Variants in CDH13 observed in about 807,000 individuals in gnomAD.
CDH13 encodes cadherin-13.
A neutral mutation model predicts 63.8 loss-of-function variants in CDH13; 24 were observed. The observed-to-expected ratio is 0.38, with a 90% CI of 0.27 to 0.53. The LOEUF is 0.53. CDH13 is among the 20% of genes least tolerant of loss of function. The pLI is 0.85. For missense variants in CDH13, 1,049 were observed against 903.1 expected (o/e 1.16, Z -2.07); for synonymous variants, 503 against 355.3 (o/e 1.42, Z -4.67).
intron 7 of CDH13, among the ~76,000 whole-genome samples, chr16:83,569,305 A>G (rs62040172): frequency 0.084 from 12,802 of 151,972 alleles, 782 homozygotes; most frequent in South Asian, 0.15. Flanking sequence ...GCACTCCACC[A>G]TGTTGGCATG....
chr16:83,649,142 G>C (rs1912122950), intron 8 of CDH13, among the ~76,000 whole-genome samples: 1 of 152,248 alleles, frequency 6.6e-6, no homozygotes, highest in Admixed American at 6.5e-5. Context: ...AGGTGTGGCA[G>C]TGAGGTTAAA....
chr16:83,196,638 G>A (rs935794817), intron 4 of CDH13, among the ~76,000 whole-genome samples: 3 of 152,244 alleles, frequency 2.0e-5, no homozygotes, highest in African/African-American at 7.2e-5. Context: ...GACATAAACA[G>A]ACATTTCAGC....
chr16:83,525,940 A>G (rs1007574370), intron 7 of CDH13, among the ~76,000 whole-genome samples: 1 of 152,194 alleles, frequency 6.6e-6, no homozygotes, highest in Non-Finnish European at 1.5e-5. Context: ...GAAAAAGTGA[A>G]GAAATGGAGT....
At chr16:83,192,706 G>A (rs1056090218) in intron 4 of CDH13, among the ~76,000 whole-genome samples, 11 of 152,064 alleles carry the variant, frequency 7.2e-5, no homozygotes, top group Admixed American at 2.0e-4. Flanking sequence ...TCACCAAGCC[G>A]TTCCCATGGC....
chr16:83,607,294 C>A (rs929860191), intron 8 of CDH13, among the ~76,000 whole-genome samples: 1 of 152,090 alleles, frequency 6.6e-6, no homozygotes, highest in East Asian at 1.9e-4. Context: ...GTGGCACATG[C>A]CTGTAATCCT....
chr16:83,698,960 G>T (rs1306510458), intron 10 of CDH13, among the ~76,000 whole-genome samples: 1 of 152,210 alleles, frequency 6.6e-6, no homozygotes, highest in African/African-American at 2.4e-5. Context: ...GCCATAGTTT[G>T]CCAACCCCCA....
intron 5 of CDH13, among the ~76,000 whole-genome samples, chr16:83,326,161 T>G (rs1429232705): frequency 6.6e-6 from 1 of 152,184 alleles, no homozygotes; most frequent in Non-Finnish European, 1.5e-5. Context: ...TTATTCATCT[T>G]TCCAGAACAT....
intron 5 of CDH13, among the ~76,000 whole-genome samples, chr16:83,267,610 G>A (rs1321170189): frequency 1.3e-5 from 2 of 152,060 alleles, no homozygotes; most frequent in Non-Finnish European, 2.9e-5. Context: ...GTTACCGCGG[G>A]AGTGGGCTCC....
At chr16:83,420,917 A>T (rs1313470728) in intron 6 of CDH13, among the ~76,000 whole-genome samples, 1 of 152,212 alleles carries the variant, frequency 6.6e-6, no homozygotes, top group South Asian at 2.1e-4. Flanking sequence ...CTAGCAGGGG[A>T]AAAAGAAGTA....
At chr16:83,078,331 C>T (rs1306537803) in intron 3 of CDH13, among the ~76,000 whole-genome samples, 1 of 152,168 alleles carries the variant, frequency 6.6e-6, no homozygotes, top group Non-Finnish European at 1.5e-5. Context: ...AATTTTTCCA[C>T]ATATTGGGGA....
At chr16:82,839,260 T>G (rs765778615) in intron 1 of CDH13, among the ~76,000 whole-genome samples, 69 of 152,260 alleles carry the variant, frequency 4.5e-4, no homozygotes, top group Non-Finnish European at 7.2e-4. Flanking sequence ...GTCTGGAAAT[T>G]GTTTCCTCCC....
At chr16:83,726,593 T>A (rs1323438172) in intron 10 of CDH13, among the ~76,000 whole-genome samples, 1 of 152,112 alleles carries the variant, frequency 6.6e-6, no homozygotes, top group East Asian at 1.9e-4. Flanking sequence ...CCCGGCCCTT[T>A]GGGAGGCCGA....
At chr16:83,282,187 A>C (rs1043231775) in intron 5 of CDH13, among the ~76,000 whole-genome samples, 1 of 152,190 alleles carries the variant, frequency 6.6e-6, no homozygotes, top group Non-Finnish European at 1.5e-5. Context: ...GACATGGCTC[A>C]TGGTACCCCA....
intron 4 of CDH13, among the ~76,000 whole-genome samples, chr16:83,166,414 C>T (rs918831632): frequency 2.0e-5 from 3 of 152,084 alleles, no homozygotes; most frequent in African/African-American, 7.2e-5. Context: ...GGGCAAAACT[C>T]AGCACATCTC....
intron 10 of CDH13, 54 bp downstream of exon 10, chr16:83,678,515 C>T: frequency 1.2e-6 from 2 of 1,602,816 alleles, no homozygotes; most frequent in South Asian, 1.1e-5. Flanking sequence ...ATGGCTTTTC[C>T]TTTCCAGTCG....
At position 82,698,359 on chromosome 16, in the gene CDH13, T is replaced by C. The variant is rs574120246; in HGVS notation, c.45+71222T>C. 4.6e-5 allele frequency among the ~76,000 whole-genome samples: 7 copies of C among 152,276 alleles called. 1 individual carries two copies. The South Asian group carries it at 1.5e-3, about 32-fold the overall frequency. On this transcript the variant is annotated intron_variant, in intron 1 of 13. Transcript: ENST00000567109. ...AACTCTATCTCCTGGGTACTCTCTG[T>C]AGATGGTGGGAAAAAGGAAGAGAAT...
chr16:83,434,516 C>G (rs1157309724), intron 6 of CDH13, among the ~76,000 whole-genome samples: 2 of 152,020 alleles, frequency 1.3e-5, no homozygotes, highest in African/African-American at 2.4e-5. Flanking sequence ...GCCAATGATT[C>G]AAGTCCACAT....
intron 2 of CDH13, among the ~76,000 whole-genome samples, chr16:82,925,732 C>G (rs2042283983): frequency 6.6e-6 from 1 of 152,222 alleles, no homozygotes; most frequent in African/African-American, 2.4e-5. Flanking sequence ...TTTAAAACCT[C>G]TACCTAAGAG....
At chr16:83,310,400 G>T (rs2089973800) in intron 5 of CDH13, among the ~76,000 whole-genome samples, 1 of 152,276 alleles carries the variant, frequency 6.6e-6, no homozygotes, top group South Asian at 2.1e-4. Flanking sequence ...CTGTGTGTGG[G>T]TACATGTGTG....
Sources: gnomAD v4.1 joint callset for allele counts (sites outside exome capture counted in the v4.1 genomes callset) on GRCh38, gnomAD v4.1.1 for gene constraint, MANE v1.5 for transcripts, NCBI Gene and HGNC (gene_info 2026-07-23, HGNC 2026-07-21) for gene names.